Variants in MOBP observed in about 807,000 individuals in gnomAD.
The protein encoded by MOBP is myelin associated oligodendrocyte basic protein.
MOBP carries 5 observed loss-of-function variants against 15.0 expected under a neutral mutation model. That is an observed-to-expected ratio of 0.33 (90% CI 0.17 to 0.70). The LOEUF is 0.70. Ranked by LOEUF, MOBP falls within the 30% of genes least tolerant of loss-of-function variation. MOBP has a pLI of 0.67. For missense variants in MOBP, 188 were observed against 257.8 expected (o/e 0.73, Z 1.85); for synonymous variants, 88 against 99.0 (o/e 0.89, Z 0.66).
exon 5 of MOBP, chr3:39,513,564 A>C: frequency 1.2e-6 from 1 of 825,872 alleles, no homozygotes; most frequent in Admixed American, 2.6e-5. Flanking sequence ...GCTGATGCTC[A>C]TGGTCCCCAT....
intron 3 of MOBP, among the ~76,000 whole-genome samples, chr3:39,521,455 GT>G: frequency 6.6e-6 from 1 of 152,278 alleles, no homozygotes; most frequent in Admixed American, 6.5e-5. Context: ...CCCGTTTAAA[GT>G]TTTTTAAGGG....
At chr3:39,476,825 C>T (rs7613883) in intron 1 of MOBP, among the ~76,000 whole-genome samples, 41,544 of 151,766 alleles carry the variant, frequency 0.27, 7,223 homozygotes, top group African/African-American at 0.49. Flanking sequence ...ATACATTATG[C>T]TTATCTTTTC....
chr3:39,482,827 C>T (rs1449691448), intron 2 of MOBP, among the ~76,000 whole-genome samples: 1 of 152,092 alleles, frequency 6.6e-6, no homozygotes, highest in Non-Finnish European at 1.5e-5. Context: ...TTCTTATATA[C>T]ATTGTTACAG....
chr3:39,522,605 A>G (rs1169206143), intron 3 of MOBP, among the ~76,000 whole-genome samples: 1 of 152,246 alleles, frequency 6.6e-6, no homozygotes, highest in African/African-American at 2.4e-5. Context: ...CTGCTACAAC[A>G]AACAGACTTT....
chr3:39,492,578 A>G (rs1359946731), intron 2 of MOBP, among the ~76,000 whole-genome samples: 1 of 152,210 alleles, frequency 6.6e-6, no homozygotes, highest in Non-Finnish European at 1.5e-5. Context: ...AGAGAAATAA[A>G]AAAAAGTTGT....
intron 2 of MOBP, among the ~76,000 whole-genome samples, chr3:39,485,638 A>G (rs1335856008): frequency 6.6e-6 from 1 of 152,188 alleles, no homozygotes; most frequent in Non-Finnish European, 1.5e-5. Flanking sequence ...CTTGCAGGAA[A>G]TCATGGGTTC....
At chr3:39,515,612 C>A (rs537418371) in exon 5 of MOBP, 1 of 152,214 alleles carries the variant, frequency 6.6e-6, no homozygotes, top group African/African-American at 2.4e-5. Flanking sequence ...TCTATTTTTT[C>A]TTTTTGTGCG....
chr3:39,502,138 C>T lies in MOBP; in HGVS notation c.69C>T (p.Ser23=). ...ACCAGAAGTACTCCGAACACTTCAG[C>T]ATACACTGCTGCCCGCCGTTCACCT... ...SKNQKYSEHF[S]IHCCPPFTFL... The change falls in exon 3 of 4, where the codon AGC becomes AGT. Residue 23 remains serine, a synonymous_variant. Transcript: ENST00000684792. The surrounding 1 kb of genome is among the most constrained non-coding windows in gnomAD (Gnocchi z 6.3). The T allele has an allele frequency of 8.7e-6, 14 of 1,614,232 alleles. No individual in the cohort carries two copies. The highest frequency in any genetic ancestry group is 1.2e-5 in the Non-Finnish European group (14 of 1,180,050).
chr3:39,508,388 C>T (rs2043074923), intron 4 of MOBP, among the ~76,000 whole-genome samples: 1 of 152,130 alleles, frequency 6.6e-6, no homozygotes, highest in Non-Finnish European at 1.5e-5. Context: ...CCTTATATTT[C>T]ACCTATGCAG....
intron 2 of MOBP, among the ~76,000 whole-genome samples, chr3:39,498,180 T>A (rs766954146): frequency 4.6e-5 from 7 of 152,154 alleles, no homozygotes; most frequent in Non-Finnish European, 7.3e-5. Context: ...AAACGATGAC[T>A]CTGATTTAGC....
chr3:39,504,367 A>G (rs183280181), downstream of MOBP, among the ~76,000 whole-genome samples: 4 of 152,362 alleles, frequency 2.6e-5, no homozygotes, highest in Admixed American at 1.3e-4. Context: ...CTGGAGTTCA[A>G]TCAGGACATG....
intron 1 of MOBP, among the ~76,000 whole-genome samples, chr3:39,475,829 A>G (rs1405578944): frequency 6.6e-6 from 1 of 151,922 alleles, no homozygotes; most frequent in Non-Finnish European, 1.5e-5. Context: ...CAAATCAATC[A>G]CCTCTTTAAT....
At chr3:39,516,836 A>C (rs548178649), downstream of MOBP, among the ~76,000 whole-genome samples, 5 of 152,326 alleles carry the variant, frequency 3.3e-5, no homozygotes, top group South Asian at 8.3e-4. Context: ...CAGCAAATAA[A>C]GATTCATGAG....
chr3:39,472,959 T>C (rs72869131), intron 1 of MOBP, among the ~76,000 whole-genome samples: 20,622 of 151,964 alleles, frequency 0.14, 1,557 homozygotes, highest in Middle Eastern at 0.2. Context: ...AAAAAAATAA[T>C]TGGGGGCCAG....
intron 3 of MOBP, among the ~76,000 whole-genome samples, chr3:39,522,806 TG>T (rs772876920): frequency 6.6e-6 from 1 of 152,222 alleles, no homozygotes; most frequent in Non-Finnish European, 1.5e-5. Context: ...ACTTTCAGGT[TG>T]GTTTTGCCCT....
chr3:39,503,805 C>G (rs945745683), downstream of MOBP, among the ~76,000 whole-genome samples: 1 of 151,904 alleles, frequency 6.6e-6, no homozygotes, highest in Non-Finnish European at 1.5e-5. Flanking sequence ...ACTCTGATAC[C>G]CAGCACTTGT....
intron 1 of MOBP, among the ~76,000 whole-genome samples, chr3:39,470,077 A>T (rs976736108): frequency 6.6e-6 from 1 of 152,256 alleles, no homozygotes; most frequent in Non-Finnish European, 1.5e-5. Context: ...CTGAAAGCAG[A>T]TACAACTCAA....
At chr3:39,496,101 G>A (rs1202834926) in intron 2 of MOBP, among the ~76,000 whole-genome samples, 1 of 151,872 alleles carries the variant, frequency 6.6e-6, no homozygotes, top group African/African-American at 2.4e-5. Flanking sequence ...TATATTTACA[G>A]GTAAATATTT....
At chr3:39,527,177 TG>T (rs1398342605), downstream of MOBP, 1 of 152,204 alleles carries the variant, frequency 6.6e-6, no homozygotes, top group Non-Finnish European at 1.5e-5. Context: ...AGCACACAAT[TG>T]ACTCTCGTCA....
Sources: allele counts gnomAD v4.1 joint callset (sites outside exome capture counted in the v4.1 genomes callset), GRCh38; gene constraint gnomAD v4.1.1; non-coding constraint Gnocchi (gnomAD v3.1); transcripts MANE v1.5; gene names NCBI Gene and HGNC (gene_info 2026-07-23, HGNC 2026-07-21).